LDHB: variants seen among roughly 807,000 people sequenced by gnomAD.
LDHB encodes the protein L-lactate dehydrogenase B chain.
A neutral mutation model predicts 33.4 loss-of-function variants in LDHB; 18 were observed. That is an observed-to-expected ratio of 0.54 (90% CI 0.37 to 0.80). The LOEUF (loss-of-function observed/expected upper bound fraction) is 0.80. LDHB is among the 30% of genes least tolerant of loss of function. LDHB has a pLI of 0.00. For missense variants in LDHB, 345 were observed against 407.9 expected, an observed-to-expected ratio of 0.85 and a Z score of 1.33; for synonymous variants, 121 against 140.6, an observed-to-expected ratio of 0.86 and a Z score of 0.98.
intron 7 of LDHB, among the ~76,000 whole-genome samples, chr12:21,636,570 T>C (rs1938223653): frequency 2.6e-5 from 4 of 152,116 alleles, no homozygotes; most frequent in Admixed American, 2.6e-4. Context: ...ATTGACACAC[T>C]TGATTTACAC....
chr12:21,635,444 G>C lies in LDHB; in HGVS notation c.*98C>G. The C allele has an allele frequency of 9.8e-7, 1 of 1,018,298 alleles. No homozygotes were observed. The highest frequency in any genetic ancestry group is 1.6e-6 in the Non-Finnish European group (1 of 642,618). The allele number at this position is 1,018,298 out of a possible 1,614,324, so 63.1% of individuals were successfully genotyped here. On this transcript the variant is annotated 3_prime_UTR_variant, in exon 8 of 8. Transcript: ENST00000350669. ...GAGCCCAAATTCACATATTGAAGAA[G>C]ATCAAAGCAAACTGTGATCCATGTA...
rs765877721 is a variant in LDHB, at chr12:21,650,105, T to TACACACAC, written c.130-3097_130-3090dup. 4.3e-3 allele frequency among the ~76,000 whole-genome samples: 133 copies of TACACACAC among 30,996 alleles called. 1 individual carries two copies. Among genetic ancestry groups the TACACACAC allele is most frequent in the African/African-American group, 9.9e-3 (128 of 12,884 alleles). The allele number at this position is 30,996 out of a possible 152,430, so 20.3% of individuals were successfully genotyped here. ...ACTCTCTCTCTCAAGAGAAAAAAAA[T>TACACACAC]ACACACACACACACACACACACACA... On this transcript the variant is annotated intron_variant, in intron 2 of 7. Coordinates refer to ENST00000350669, the MANE Select transcript of LDHB (RefSeq NM_002300.8).
chr12:21,636,933 A>G, intron 7 of LDHB, 138 bp downstream of exon 7: 1 of 783,332 alleles, frequency 1.3e-6, no homozygotes, highest in South Asian at 1.5e-5. Flanking sequence ...TTGGAAAATG[A>G]GAATAGTTTA....
At chr12:21,657,032 A>T (rs1268072261) in intron 1 of LDHB, 1 of 151,734 alleles carries the variant, frequency 6.6e-6, no homozygotes, top group Non-Finnish European at 1.5e-5. Flanking sequence ...TCTTTTCCTC[A>T]GGGCACCGGC....
chr12:21,643,589 A>G lies in LDHB; in HGVS notation c.421+346T>C, dbSNP rs142829427. The G allele has an allele frequency of 4.7e-4, 117 of 247,506 alleles. 1 individual carries two copies. The highest frequency in any genetic ancestry group is 2.5e-3 in the African/African-American group (110 of 44,624). The allele number at this position is 247,506 out of a possible 1,614,324, so 15.3% of individuals were successfully genotyped here. ...TTTTCCAGAAAATAAAAGGTCAAAT[A>G]TGTCAAAATGTTTCTTACAAATTGA... On this transcript the variant is annotated intron_variant, in intron 4 of 7. Transcript: ENST00000350669.
intron 6 of LDHB, chr12:21,637,426 TTG>T (rs1410731575): frequency 7.5e-6 from 3 of 398,330 alleles, no homozygotes; most frequent in Non-Finnish European, 1.3e-5. Flanking sequence ...CTTTAGTTTA[TTG>T]TATAAGTTAA....
At chr12:21,645,671 A>G (rs1938503788) in intron 3 of LDHB, among the ~76,000 whole-genome samples, 2 of 152,134 alleles carry the variant, frequency 1.3e-5, no homozygotes, top group South Asian at 4.1e-4. Flanking sequence ...ATTTGTTCAC[A>G]TATTTTCCTG....
intron 2 of LDHB, among the ~76,000 whole-genome samples, chr12:21,650,233 G>T (rs1203647265): frequency 6.6e-6 from 1 of 151,504 alleles, no homozygotes; most frequent in Non-Finnish European, 1.5e-5. Context: ...TAACTAAATG[G>T]ATATGTGCCA....
chr12:21,654,416 T>A (rs920665460), intron 2 of LDHB, 127 bp downstream of exon 2: 3 of 844,128 alleles, frequency 3.6e-6, no homozygotes, highest in Admixed American at 3.9e-5. Context: ...TGGGATTACA[T>A]CTACAACTTC....
At chr12:21,635,944 T>C (rs1182662511) in intron 7 of LDHB, among the ~76,000 whole-genome samples, 2 of 152,092 alleles carry the variant, frequency 1.3e-5, no homozygotes, top group East Asian at 3.9e-4. Flanking sequence ...GTAGAAAACT[T>C]GATAGGCCTG....
In LDHB at chr12:21,646,912, A is replaced by G. The variant is rs756067960; in HGVS notation, c.234T>C (p.Ile78=). ...AAGTGAAATTACCTTTATCTGCCACAATTTTAGGTGTCTGAAGAAATAAGC... is the reference window on the plus strand; with the variant it reads ...AAGTGAAATTACCTTTATCTGCCACGATTTTAGGTGTCTGAAGAAATAAGC... The part of the protein sequence containing the change: ...HGSLFLQTPK[I]VADKDYSVTA... Residue 78 remains isoleucine, a synonymous_variant, in exon 3 of 8, where the codon ATT becomes ATC. Coordinates refer to ENST00000350669, the MANE Select transcript of LDHB (RefSeq NM_002300.8). 32 of 1,605,974 alleles carry G rather than the reference A, an allele frequency of 2.0e-5. No homozygotes were observed. The highest frequency in any genetic ancestry group is 2.6e-5 in the Non-Finnish European group (31 of 1,172,824).
At chr12:21,637,003 T>C (rs1938236562) in intron 7 of LDHB, 68 bp downstream of exon 7, 1 of 1,327,874 alleles carries the variant, frequency 7.5e-7, no homozygotes, top group Non-Finnish European at 1.1e-6. Context: ...TCTGAGCCTC[T>C]TTAAATGAAT....
intron 6 of LDHB, among the ~76,000 whole-genome samples, chr12:21,637,930 T>C (rs1056746262): frequency 6.6e-6 from 1 of 151,876 alleles, no homozygotes; most frequent in African/African-American, 2.4e-5. Flanking sequence ...TTGAACAAAA[T>C]GATTCTATAT....
intron 3 of LDHB, among the ~76,000 whole-genome samples, chr12:21,646,410 A>C (rs1372589675): frequency 1.3e-5 from 2 of 152,226 alleles, no homozygotes; most frequent in Non-Finnish European, 2.9e-5. Flanking sequence ...CCAATGGGAA[A>C]ATGTCAATTT....
At chr12:21,635,731 G>C (rs764096678) in intron 7 of LDHB, 22 bp from the exon 8 acceptor site, 3 of 1,609,828 alleles carry the variant, frequency 1.9e-6, no homozygotes, top group Non-Finnish European at 2.5e-6. Context: ...ACAAAGCATC[G>C]AGATTAAGAC....
chr12:21,649,495 G>GT (rs1938621375), intron 2 of LDHB, among the ~76,000 whole-genome samples: 1 of 152,098 alleles, frequency 6.6e-6, no homozygotes, highest in Non-Finnish European at 1.5e-5. Flanking sequence ...CACTTAAGCT[G>GT]TAAGCATGTT....
At chr12:21,653,666 G>GTATGTATA (rs60130744) in intron 2 of LDHB, among the ~76,000 whole-genome samples, 147,368 of 151,820 alleles carry the variant, frequency 0.97, 71,686 homozygotes, top group Middle Eastern at 1. Context: ...ACACATATAT[G>GTATGTATA]TATGTATATA....
At chr12:21,648,538 G>GT (rs1938593797) in intron 2 of LDHB, among the ~76,000 whole-genome samples, 1 of 151,682 alleles carries the variant, frequency 6.6e-6, no homozygotes, top group African/African-American at 2.4e-5. Flanking sequence ...GTATTAATGG[G>GT]GGGGAGGGGC....
intron 3 of LDHB, among the ~76,000 whole-genome samples, chr12:21,644,413 T>C (rs1224223358): frequency 4.5e-4 from 5 of 11,088 alleles, no homozygotes; most frequent in Admixed American, 1.2e-3. Flanking sequence ...GTGACTCCAA[T>C]AGGTAGACAT....
Sources: allele counts gnomAD v4.1 joint callset (sites outside exome capture counted in the v4.1 genomes callset), GRCh38; gene constraint gnomAD v4.1.1; transcripts MANE v1.5; gene names NCBI Gene and HGNC (gene_info 2026-07-23, HGNC 2026-07-21).